The following MYO15A variants were observed in gnomAD, a reference collection of about 807,000 sequenced individuals.
The protein encoded by MYO15A is myosin XVA.
A neutral mutation model predicts 394.6 loss-of-function variants in MYO15A; 308 were observed. The ratio of observed to expected loss-of-function variants is 0.78; its 90% CI spans 0.71 to 0.86. The LOEUF (loss-of-function observed/expected upper bound fraction) is 0.86. Ranked by LOEUF, MYO15A falls within the 40% of genes least tolerant of loss-of-function variation. The probability of loss-of-function intolerance (pLI) is 0.00; values close to 1 mark genes in which losing one functional copy is unlikely to be tolerated. For missense variants in MYO15A, 4,606 were observed against 4,799.1 expected (o/e 0.96, Z 1.19); for synonymous variants, 1,957 against 2,003.8 (o/e 0.98, Z 0.62).
chr17:18,134,286 G>T (rs772431255), intron 12 of MYO15A, among the ~76,000 whole-genome samples: 1 of 152,110 alleles, frequency 6.6e-6, no homozygotes, highest in Non-Finnish European at 1.5e-5. Flanking sequence ...CCGTGCCCCG[G>T]CCTGTTGGGT....
intron 64 of MYO15A, among the ~76,000 whole-genome samples, chr17:18,173,276 T>C (rs376166056): frequency 6.6e-6 from 1 of 152,092 alleles, no homozygotes; most frequent in African/African-American, 2.4e-5. Context: ...TGGTCCAAGT[T>C]TGCTTCCTGG....
At chr17:18,158,883 G>T (rs1241561665) in intron 52 of MYO15A, 42 bp from the exon 53 acceptor site, 2 of 1,610,178 alleles carry the variant, frequency 1.2e-6, no homozygotes, top group South Asian at 2.2e-5. Context: ...TGTAGCCAAG[G>T]CTTGGGCAGG....
chr17:18,138,185 T>C lies in MYO15A; in HGVS notation c.4946T>C (p.Leu1649Pro), dbSNP rs1486540997. The C allele has an allele frequency of 2.5e-6, 4 of 1,613,808 alleles. No homozygotes were observed. The highest frequency in any genetic ancestry group is 3.4e-6 in the Non-Finnish European group (4 of 1,179,988). The change falls in exon 17 of 66, where the codon CTC (leucine) becomes CCC (proline). Residue 1649 changes from leucine to proline, a missense_variant. By Grantham distance (98) the Leu-to-Pro change is moderately conservative. Around this residue, in one of 2 missense-constraint regions of MYO15A, gnomAD observed 2,776 missense variants for 3,109.3 expected, o/e 0.89. Transcript: ENST00000647165. ...TFADNQPCIN[L>P]ISLKPYGILR... is the part of the protein sequence containing the mutation. Reference sequence around the variant, plus strand: ...GCTGACAACCAGCCCTGCATCAACCTCATCTCACTGAAGCCTTATGGCATC... The same window carrying C: ...GCTGACAACCAGCCCTGCATCAACCCCATCTCACTGAAGCCTTATGGCATC...
chr17:18,114,296 G>GGCT (rs1270957169), intron 1 of MYO15A, among the ~76,000 whole-genome samples: 1 of 121,768 alleles, frequency 8.2e-6, no homozygotes, highest in Non-Finnish European at 1.7e-5. Context: ...TTGTTGCCCA[G>GGCT]GCTGGAGTGC....
At chr17:18,125,390 A>AGTCTTAGAT in intron 4 of MYO15A, 159 bp downstream of exon 4, 1 of 750,794 alleles carries the variant, frequency 1.3e-6, no homozygotes, top group East Asian at 2.7e-5. Context: ...CTTAAAACAC[A>AGTCTTAGAT]GTCTTAGAAT....
At chr17:18,126,588 G>A in intron 5 of MYO15A, 132 bp downstream of exon 5, 1 of 1,074,674 alleles carries the variant, frequency 9.3e-7, no homozygotes, top group East Asian at 2.5e-5. Context: ...TACTCAATCT[G>A]ACAGTCTCTC....
Position 18,120,502 on chromosome 17 carries a change from C to T in MYO15A, c.1702C>T (p.Pro568Ser). 1.9e-6 allele frequency: 3 copies of T among 1,577,432 alleles called. No individual in the cohort carries two copies. Among genetic ancestry groups the T allele is most frequent in the Non-Finnish European group, 2.6e-6 (3 of 1,165,066 alleles). ...GPEFGRPVPR[P>S]ATSLARFLKK... ...TGAGTTTGGCCGCCCCGTGCCTCGCCCTGCCACCTCGCTTGCGCGGTTCCT... is the reference window on the plus strand; with the variant it reads ...TGAGTTTGGCCGCCCCGTGCCTCGCTCTGCCACCTCGCTTGCGCGGTTCCT... Residue 568 changes from proline (P) to serine (S), a missense_variant, in exon 2 of 66, where the codon CCT becomes TCT. Pro to Ser is a moderately conservative substitution (Grantham distance 74). Transcript: ENST00000647165.
intron 5 of MYO15A, 59 bp from the exon 6 acceptor site, chr17:18,126,732 T>A: frequency 6.4e-7 from 1 of 1,566,140 alleles, no homozygotes; most frequent in Non-Finnish European, 8.8e-7. Context: ...CCCTGCCCAA[T>A]CCCTGGGAGG....
chr17:18,135,565 TC>T lies in MYO15A; in HGVS notation c.4483-144del. On this transcript the variant is annotated intron_variant, in intron 12 of 65. Coordinates refer to ENST00000647165, the MANE Select transcript of MYO15A (RefSeq NM_016239.4). Reference sequence around the variant, plus strand: ...CATGTTGGTCAGGTTGGTCTCGAACTCCTGGCCTCAGGTGATCCACCCGCCT... The same window carrying T: ...CATGTTGGTCAGGTTGGTCTCGAACTCTGGCCTCAGGTGATCCACCCGCCT... 4.3e-6 allele frequency: 3 copies of T among 695,934 alleles called. No individual in the cohort carries two copies. In the East Asian group the frequency reaches 8.8e-5, roughly 20 times the overall value. 43.1% of individuals were successfully genotyped at this position (695,934 alleles called of 1,614,324 possible).
intron 58 of MYO15A, 97 bp from the exon 59 acceptor site, chr17:18,163,146 CA>C: frequency 7.5e-7 from 1 of 1,326,854 alleles, no homozygotes; most frequent in Non-Finnish European, 1.1e-6. Context: ...CGTGCCAGCC[CA>C]GGATCCTTTG....
chr17:18,149,347 A>G lies in MYO15A; in HGVS notation c.7088A>G (p.Glu2363Gly). 1 of 1,608,620 alleles carries G rather than the reference A, an allele frequency of 6.2e-7. No individual in the cohort carries two copies. The highest frequency in any genetic ancestry group is 8.5e-7 in the Non-Finnish European group (1 of 1,177,144). ...CAGGACGGTACAAATGGGGAGACTG[A>G]GGCCCAAAGAGGGACAGCAACCCAC... ...HNQDGTNGET[E>G]AQRGTATHQE... is the part of the protein sequence containing the mutation. The change falls in exon 34 of 66, where the codon GAG (glutamate) becomes GGG (glycine). Residue 2363 changes from glutamate (E) to glycine (G), a missense_variant. By Grantham distance (98) the Glu-to-Gly change is moderately conservative. This residue lies in a region of MYO15A where 2,776 missense variants were observed against 3,109.3 expected (regional missense o/e 0.89). Transcript: ENST00000647165.
At chr17:18,115,059 C>A (rs1055989320) in intron 1 of MYO15A, among the ~76,000 whole-genome samples, 2 of 152,176 alleles carry the variant, frequency 1.3e-5, no homozygotes, top group Non-Finnish European at 2.9e-5. Flanking sequence ...CCTTCCTCAT[C>A]CTGGCCAATG....
rs542219085 is a variant in MYO15A at position 18,131,471 on chromosome 17, C to T, written c.4146C>T (p.Gly1382=). Residue 1382 remains glycine, a synonymous_variant, in exon 10 of 66, where the codon GGC becomes GGT. Coordinates refer to ENST00000647165, the MANE Select transcript of MYO15A (RefSeq NM_016239.4). ...CTGACTGTGCTCCCCACCCCAGGGG[C>T]GTGATCTCTGGTGCCATAACCTCCC... The part of the protein sequence containing the change: ...GKFVEIFLEG[G]VISGAITSQY... The T allele has an allele frequency of 1.5e-5, 24 of 1,613,980 alleles. No homozygotes were observed. The African/African-American group carries it at 2.7e-4, about 18-fold the overall frequency.
At chr17:18,129,297 C>T (rs1567632982) in intron 7 of MYO15A, among the ~76,000 whole-genome samples, 1 of 152,196 alleles carries the variant, frequency 6.6e-6, no homozygotes, top group Non-Finnish European at 1.5e-5. Context: ...CATCCGCTGG[C>T]TTTATGCCCT....
chr17:18,157,618 A>C, intron 50 of MYO15A, 104 bp from the exon 51 acceptor site: 1 of 1,559,530 alleles, frequency 6.4e-7, no homozygotes. Context: ...TGCCTCATAG[A>C]GTTCCAGAGA....
chr17:18,156,345 C>T lies in MYO15A; in HGVS notation c.8601+9C>T. 1 of 1,613,998 alleles carries T rather than the reference C, an allele frequency of 6.2e-7. No individual in the cohort carries two copies. The highest frequency in any genetic ancestry group is 8.5e-7 in the Non-Finnish European group (1 of 1,179,936). ...TCTTGGAGCTGAAGAAGGTCAGGAT[C>T]TTCTCACAGATCTTCCCTCCACCCA... On this transcript the variant is annotated intron_variant, in intron 48 of 65. Transcript: ENST00000647165.
chr17:18,155,229 C>G lies in MYO15A; in HGVS notation c.8340+4C>G. The G allele has an allele frequency of 1.2e-6, 2 of 1,613,936 alleles. No individual in the cohort carries two copies. The highest frequency in any genetic ancestry group is 1.7e-6 in the Non-Finnish European group (2 of 1,179,948). On this transcript the variant is annotated splice_donor_region_variant and intron_variant, in intron 46 of 65. Coordinates refer to ENST00000647165, the MANE Select transcript of MYO15A (RefSeq NM_016239.4). Reference sequence around the variant, plus strand: ...CTCCCGCATCTTCCCCGCCACGGTGCGAGCCCCTCACTTGCCCCCTACCTG... The same window carrying G: ...CTCCCGCATCTTCCCCGCCACGGTGGGAGCCCCTCACTTGCCCCCTACCTG...
At chr17:18,144,956 G>A (rs2046450969) in intron 29 of MYO15A, among the ~76,000 whole-genome samples, 1 of 152,208 alleles carries the variant, frequency 6.6e-6, no homozygotes, top group African/African-American at 2.4e-5. Context: ...AGTCTGGGGA[G>A]TCTGATGGGG....
At chr17:18,163,483 G>C (rs928677599) in intron 59 of MYO15A, among the ~76,000 whole-genome samples, 162 bp downstream of exon 59, 2 of 152,230 alleles carry the variant, frequency 1.3e-5, no homozygotes, top group Admixed American at 1.3e-4. Flanking sequence ...AGAGCAAACT[G>C]CACCTCAGAG....
Sources: gnomAD v4.1 joint callset for allele counts (sites outside exome capture counted in the v4.1 genomes callset) on GRCh38, gnomAD v4.1.1 for gene constraint, gnomAD v4.1.1 regional missense constraint, MANE v1.5 for transcripts, NCBI Gene and HGNC (gene_info 2026-07-23, HGNC 2026-07-21) for gene names.